Variants in TIMP3 observed in about 807,000 individuals in gnomAD.
TIMP3 encodes the protein metalloproteinase inhibitor 3.
In TIMP3, 11 loss-of-function variants were observed where a neutral mutation model predicts 30.0. The observed-to-expected ratio is 0.37, with a 90% CI of 0.23 to 0.61. The LOEUF is 0.61. TIMP3 is among the 20% of genes least tolerant of loss of function. The probability of loss-of-function intolerance (pLI) is 0.70; values close to 1 mark genes in which losing one functional copy is unlikely to be tolerated. For missense variants in TIMP3, 181 were observed against 276.8 expected, an observed-to-expected ratio of 0.65 and a Z score of 2.45; for synonymous variants, 112 against 111.3, an observed-to-expected ratio of 1.01 and a Z score of -0.04.
At chr22:32,844,715 T>G (rs2146214484) in intron 1 of TIMP3, among the ~76,000 whole-genome samples, 1 of 151,328 alleles carries the variant, frequency 6.6e-6, no homozygotes, top group South Asian at 2.1e-4. Flanking sequence ...CTTCTTCCTT[T>G]TTTTTTTTTG....
intron 1 of TIMP3, among the ~76,000 whole-genome samples, chr22:32,846,714 T>C (rs958939515): frequency 1.3e-5 from 2 of 152,204 alleles, no homozygotes; most frequent in African/African-American, 4.8e-5. Context: ...GCTATGTTGC[T>C]GCTCCAATAG....
Position 32,862,091 on chromosome 22 carries a change from G to A in TIMP3, c.*2714G>A, listed in dbSNP as rs932602949. On this transcript the variant is annotated 3_prime_UTR_variant, in exon 5 of 5. Coordinates refer to ENST00000266085, the MANE Select transcript of TIMP3 (RefSeq NM_000362.5). ...CCTATTGGAATCCCAATGGCTCCTG[G>A]AGTAGGAAAAAAGTTTAAACTACAT... 6.6e-6 allele frequency: 1 copy of A among 152,520 alleles called. No individual in the cohort carries two copies. The highest frequency in any genetic ancestry group is 1.5e-5 in the Non-Finnish European group (1 of 68,036). The allele number at this position is 152,520 out of a possible 1,614,324, so 9.4% of individuals were successfully genotyped here.
chr22:32,828,527 C>A (rs2047479849), intron 1 of TIMP3, among the ~76,000 whole-genome samples: 1 of 152,204 alleles, frequency 6.6e-6, no homozygotes, highest in Non-Finnish European at 1.5e-5. Flanking sequence ...TCTAGATGAG[C>A]CTTCTAGGCC....
At chr22:32,806,218 C>T (rs1388596568) in intron 1 of TIMP3, among the ~76,000 whole-genome samples, 1 of 151,986 alleles carries the variant, frequency 6.6e-6, no homozygotes, top group Non-Finnish European at 1.5e-5. Flanking sequence ...GAGACTGGGT[C>T]CCAGCTGGAG....
At position 32,801,884 on chromosome 22, in the gene TIMP3, G is replaced by A. The variant is rs1602182693; in HGVS notation, c.-118G>A. ...CGGAGGGCAGCGCGCCGGAGGCCAA[G>A]GTTGCCCCGCACGGCCCGGCGGGCG... On this transcript the variant is annotated 5_prime_UTR_variant, in exon 1 of 5. Coordinates refer to ENST00000266085, the MANE Select transcript of TIMP3 (RefSeq NM_000362.5). The surrounding 1 kb of genome is among the most constrained non-coding windows in gnomAD (Gnocchi z 4.7). 7.6e-7 allele frequency: 1 copy of A among 1,323,828 alleles called. No homozygotes were observed. Among genetic ancestry groups the A allele is most frequent in the East Asian group, 3.3e-5 (1 of 30,040 alleles). 82.0% of individuals were successfully genotyped at this position (1,323,828 alleles called of 1,614,324 possible).
intron 1 of TIMP3, among the ~76,000 whole-genome samples, chr22:32,832,469 A>G (rs1306882877): frequency 6.6e-6 from 1 of 152,104 alleles, no homozygotes; most frequent in Non-Finnish European, 1.5e-5. Context: ...AAAAACAGAA[A>G]GAGTATCTAG....
At chr22:32,851,924 T>C (rs1016048618) in intron 2 of TIMP3, among the ~76,000 whole-genome samples, 1 of 152,148 alleles carries the variant, frequency 6.6e-6, no homozygotes, top group Non-Finnish European at 1.5e-5. Context: ...CTAGAAGTAA[T>C]AGTCCGTCCA....
chr22:32,828,108 A>G (rs867417617), intron 1 of TIMP3, among the ~76,000 whole-genome samples: 9 of 152,240 alleles, frequency 5.9e-5, no homozygotes, highest in Admixed American at 2.0e-4. Flanking sequence ...TTCACCATCT[A>G]GAAGATACTT....
intron 1 of TIMP3, among the ~76,000 whole-genome samples, chr22:32,845,760 G>A (rs528762105): frequency 6.6e-6 from 1 of 152,296 alleles, no homozygotes; most frequent in Non-Finnish European, 1.5e-5. Flanking sequence ...AAGGTGGAAG[G>A]AATGGCTAGA....
At chr22:32,849,181 CG>C (rs1569273546) in intron 1 of TIMP3, among the ~76,000 whole-genome samples, 1 of 152,088 alleles carries the variant, frequency 6.6e-6, no homozygotes, top group African/African-American at 2.4e-5. Flanking sequence ...TCAGGGTCGG[CG>C]GGGGTTGACT....
At chr22:32,811,607 T>C (rs569853260) in intron 1 of TIMP3, among the ~76,000 whole-genome samples, 5 of 152,328 alleles carry the variant, frequency 3.3e-5, no homozygotes, top group African/African-American at 1.2e-4. Context: ...TACTCTATTT[T>C]CACAACTCTT....
intron 2 of TIMP3, among the ~76,000 whole-genome samples, chr22:32,850,600 A>T (rs769019504): frequency 1.3e-5 from 2 of 152,104 alleles, no homozygotes; most frequent in African/African-American, 4.8e-5. Flanking sequence ...TAGGAACTAG[A>T]GTCAGGTTGG....
rs1280365299 is a variant in TIMP3, at chr22:32,862,906, T to C, written c.*3529T>C. On this transcript the variant is annotated 3_prime_UTR_variant, in exon 5 of 5. Coordinates refer to ENST00000266085, the MANE Select transcript of TIMP3 (RefSeq NM_000362.5). ...TATTTGTTGCTAAATTTCGTAGCAC[T>C]GTTTACAGTTTTCCTCCATGTTATT... 6.6e-6 allele frequency: 1 copy of C among 152,660 alleles called. No individual in the cohort carries two copies. The highest frequency in any genetic ancestry group is 1.5e-5 in the Non-Finnish European group (1 of 68,040). 9.5% of individuals were successfully genotyped at this position (152,660 alleles called of 1,614,324 possible). A position where few individuals can be genotyped will look rare whatever the true frequency, so the allele number is the denominator to read the frequency against.
chr22:32,809,467 C>A (rs771520297), intron 1 of TIMP3, among the ~76,000 whole-genome samples: 4 of 152,080 alleles, frequency 2.6e-5, no homozygotes, highest in Non-Finnish European at 5.9e-5. Context: ...CATAACCAAG[C>A]CTTACCTCCT....
chr22:32,841,260 T>G (rs777061855), intron 1 of TIMP3, among the ~76,000 whole-genome samples: 1 of 152,060 alleles, frequency 6.6e-6, no homozygotes, highest in Non-Finnish European at 1.5e-5. Flanking sequence ...TGGGGAGAGA[T>G]GATCAGTAAA....
chr22:32,849,044 T>A (rs2048146824), intron 1 of TIMP3, among the ~76,000 whole-genome samples: 1 of 151,772 alleles, frequency 6.6e-6, no homozygotes, highest in Non-Finnish European at 1.5e-5. Context: ...TAGAAAGGGG[T>A]CCTAGTGGAA....
Position 32,801,932 on chromosome 22 carries a change from C to G in TIMP3, c.-70C>G, listed in dbSNP as rs1254357553. On this transcript the variant is annotated 5_prime_UTR_variant, in exon 1 of 5. Transcript: ENST00000266085. The surrounding 1 kb of genome is among the most constrained non-coding windows in gnomAD (Gnocchi z 4.7). ...GCGAGCGAGCTCGGGCTGCAGCAGC[C>G]CCGCCGGCGGCGCGCACGGCAACTT... 3.3e-6 allele frequency: 5 copies of G among 1,513,200 alleles called. No homozygotes were observed. The highest frequency in any genetic ancestry group is 4.4e-6 in the Non-Finnish European group (5 of 1,137,460). The allele number at this position is 1,513,200 out of a possible 1,614,324, so 93.7% of individuals were successfully genotyped here. A position where few individuals can be genotyped will look rare whatever the true frequency, so the allele number is the denominator to read the frequency against.
chr22:32,833,789 A>G (rs898088411), intron 1 of TIMP3: 4 of 499,230 alleles, frequency 8.0e-6, no homozygotes, highest in African/African-American at 7.9e-5. Context: ...GACAACACTT[A>G]CTTTATAGGG....
At chr22:32,847,859 C>T (rs80103032) in intron 1 of TIMP3, among the ~76,000 whole-genome samples, 4,587 of 152,306 alleles carry the variant, frequency 0.03, 250 homozygotes, top group African/African-American at 0.11. Flanking sequence ...CATAAGCAAG[C>T]CCCATTCCAA....
Sources: gnomAD v4.1 joint callset for allele counts (sites outside exome capture counted in the v4.1 genomes callset) on GRCh38, gnomAD v4.1.1 for gene constraint, Gnocchi (gnomAD v3.1) non-coding constraint, MANE v1.5 for transcripts, NCBI Gene and HGNC (gene_info 2026-07-23, HGNC 2026-07-21) for gene names.